Variants in GNB4 observed in about 807,000 individuals in gnomAD.
The protein encoded by GNB4 is G protein subunit beta 4, also known as guanine nucleotide-binding protein subunit beta-4.
GNB4 carries 28 observed loss-of-function variants against 45.2 expected under a neutral mutation model. That is an observed-to-expected ratio of 0.62 (90% CI 0.46 to 0.85). The LOEUF is 0.85. GNB4 is among the 40% of genes least tolerant of loss of function. The pLI is 0.00. For synonymous variants in GNB4, 132 were observed against 143.7 expected (o/e 0.92, Z 0.58); for missense variants, 321 against 425.4 (o/e 0.75, Z 2.16).
chr3:179,522,844 G>A, the GNB4 span, among the ~76,000 whole-genome samples: 2 of 152,194 alleles, frequency 1.3e-5, 1 homozygote, highest in South Asian at 4.1e-4. Context: ...AAGTTGTTTG[G>A]ACAGAAAGAG....
At chr3:179,467,630 T>C in the GNB4 span, among the ~76,000 whole-genome samples, 3 of 152,170 alleles carry the variant, frequency 2.0e-5, no homozygotes, top group East Asian at 3.9e-4. Flanking sequence ...TACTCAAGGT[T>C]CAAGTCATAG....
chr3:179,507,057 A>T, the GNB4 span, among the ~76,000 whole-genome samples: 1 of 152,290 alleles, frequency 6.6e-6, no homozygotes, highest in African/African-American at 2.4e-5. Flanking sequence ...AGCGGACCAA[A>T]CTAAAACTAG....
chr3:179,401,182 T>A lies in GNB4; in HGVS notation c.*31A>T, dbSNP rs766874445. On this transcript the variant is annotated 3_prime_UTR_variant, in exon 10 of 10. Transcript: ENST00000232564. ...GCTGTAGCATTGATTTCTCCAGATA[T>A]ATCAATGGAGAACAAATATGTATGA... 1 of 1,469,866 alleles carries A rather than the reference T, an allele frequency of 6.8e-7. No individual in the cohort carries two copies. The highest frequency in any genetic ancestry group is 2.3e-5 in the East Asian group (1 of 43,968). The allele number at this position is 1,469,866 out of a possible 1,614,324, so 91.1% of individuals were successfully genotyped here.
At chr3:179,468,596 T>C in the GNB4 span, among the ~76,000 whole-genome samples, 112,089 of 152,002 alleles carry the variant, frequency 0.74, 41,790 homozygotes, top group East Asian at 0.98. Context: ...TAGCCTCCAC[T>C]CTTTGGAATT....
the GNB4 span, among the ~76,000 whole-genome samples, chr3:179,513,810 G>T: frequency 2.0e-5 from 3 of 151,750 alleles, no homozygotes; most frequent in Non-Finnish European, 4.4e-5. Context: ...TTAAACTTAT[G>T]GATACATATC....
the GNB4 span, among the ~76,000 whole-genome samples, chr3:179,504,229 T>A: frequency 2.4e-4 from 36 of 152,320 alleles, no homozygotes; most frequent in Admixed American, 6.5e-4. Context: ...TAAAGTTTTA[T>A]AAAAATAACT....
chr3:179,456,691 C>T, the GNB4 span, among the ~76,000 whole-genome samples: 10 of 152,182 alleles, frequency 6.6e-5, no homozygotes, highest in African/African-American at 2.2e-4. Flanking sequence ...AAATCTCCCT[C>T]ATACTATCCA....
rs919918770 is a variant in GNB4 at position 179,397,545 on chromosome 3, G to A, written c.*3668C>T. The A allele has an allele frequency of 6.6e-6, 1 of 152,550 alleles. No homozygotes were observed. The highest frequency in any genetic ancestry group is 1.5e-5 in the Non-Finnish European group (1 of 68,036). 9.4% of individuals were successfully genotyped at this position (152,550 alleles called of 1,614,324 possible). On this transcript the variant is annotated 3_prime_UTR_variant, in exon 10 of 10. Transcript: ENST00000232564. Reference sequence around the variant, plus strand: ...TAAAATGAAGGGAATTGCTGAACAGGCCCTTTTGCTGTTGAGATATGAAGC... The same window carrying A: ...TAAAATGAAGGGAATTGCTGAACAGACCCTTTTGCTGTTGAGATATGAAGC...
chr3:179,416,627 A>AT, intron 4 of GNB4, 71 bp from the exon 5 acceptor site: 1 of 838,936 alleles, frequency 1.2e-6, no homozygotes, highest in Non-Finnish European at 1.9e-6. Context: ...TATGCATTGC[A>AT]TTAATGTAGA....
the GNB4 span, among the ~76,000 whole-genome samples, chr3:179,468,410 G>A: frequency 2.6e-5 from 4 of 151,722 alleles, 1 homozygote; most frequent in African/African-American, 9.7e-5. Context: ...CAGGAGAATC[G>A]CTTGAACCCG....
intron 8 of GNB4, among the ~76,000 whole-genome samples, chr3:179,408,457 T>C (rs1714542738): frequency 6.6e-6 from 1 of 151,994 alleles, no homozygotes; most frequent in Admixed American, 6.6e-5. Context: ...CTATGTAACT[T>C]AAAGTCTCCA....
At chr3:179,461,233 AT>A in the GNB4 span, among the ~76,000 whole-genome samples, 1 of 152,174 alleles carries the variant, frequency 6.6e-6, no homozygotes, top group Non-Finnish European at 1.5e-5. Flanking sequence ...CTAATATATA[AT>A]TTTTAAAAAT....
chr3:179,428,758 G>A (rs896527069), intron 1 of GNB4, among the ~76,000 whole-genome samples: 2 of 152,102 alleles, frequency 1.3e-5, no homozygotes, highest in African/African-American at 4.8e-5. Flanking sequence ...GGCATGAGTC[G>A]CTGAGCCCAG....
At chr3:179,521,004 C>A in the GNB4 span, among the ~76,000 whole-genome samples, 1 of 152,182 alleles carries the variant, frequency 6.6e-6, no homozygotes, top group Non-Finnish European at 1.5e-5. Context: ...TATTCTACTA[C>A]CCCTCAGAGA....
chr3:179,461,128 G>A, the GNB4 span, among the ~76,000 whole-genome samples: 1 of 152,036 alleles, frequency 6.6e-6, no homozygotes, highest in East Asian at 1.9e-4. Context: ...CCATCTCCTT[G>A]GCCTGCGTCT....
At chr3:179,520,691 T>C in the GNB4 span, among the ~76,000 whole-genome samples, 1 of 152,104 alleles carries the variant, frequency 6.6e-6, no homozygotes, top group African/African-American at 2.4e-5. Context: ...GTTACCATTG[T>C]TCCTGGCCCA....
the GNB4 span, among the ~76,000 whole-genome samples, chr3:179,505,843 A>G: frequency 6.6e-6 from 1 of 152,214 alleles, no homozygotes; most frequent in Non-Finnish European, 1.5e-5. Flanking sequence ...CCCAAAGTGA[A>G]GAGCACATGA....
the GNB4 span, among the ~76,000 whole-genome samples, chr3:179,525,413 T>C: frequency 6.6e-6 from 1 of 151,736 alleles, no homozygotes; most frequent in African/African-American, 2.4e-5. Flanking sequence ...GGGTGGAAGG[T>C]TGCCCATAGT....
chr3:179,522,096 C>T, the GNB4 span, among the ~76,000 whole-genome samples: 1 of 152,128 alleles, frequency 6.6e-6, no homozygotes, highest in Non-Finnish European at 1.5e-5. Context: ...GGCCTCTGAG[C>T]CCAAGCTAAG....
Sources: allele counts gnomAD v4.1 joint callset (sites outside exome capture counted in the v4.1 genomes callset), GRCh38; gene constraint gnomAD v4.1.1; transcripts MANE v1.5; gene names NCBI Gene and HGNC (gene_info 2026-07-23, HGNC 2026-07-21).